Variants in ECM2 observed in about 807,000 individuals in gnomAD.
The protein encoded by ECM2 is extracellular matrix protein 2.
A neutral mutation model predicts 67.5 loss-of-function variants in ECM2; 57 were observed. The ratio of observed to expected loss-of-function variants is 0.84; its 90% confidence interval spans 0.68 to 1.05. The LOEUF is 1.05. ECM2 is among the 50% of genes least tolerant of loss of function. The pLI, the probability that ECM2 is intolerant of heterozygous loss-of-function variation, is 0.00. For missense variants in ECM2, 741 were observed against 822.8 expected (o/e 0.90, Z 1.22); for synonymous variants, 258 against 294.5 (o/e 0.88, Z 1.27).
chr9:92,502,791 A>ATT (rs1290005357), intron 7 of ECM2, 139 bp from the exon 8 acceptor site: 10 of 584,302 alleles, frequency 1.7e-5, no homozygotes, highest in Non-Finnish European at 2.3e-5. Context: ...GTAAGCTCAT[A>ATT]TTTTTAAGTT....
chr9:92,538,716 C>T (rs1302217799), upstream of ECM2, among the ~76,000 whole-genome samples: 1 of 152,064 alleles, frequency 6.6e-6, no homozygotes, highest in Non-Finnish European at 1.5e-5. Context: ...TTTCTCCTAC[C>T]CCCTTTATTA....
At chr9:92,511,955 A>G (rs1370805496) in intron 5 of ECM2, 56 bp downstream of exon 5, 7 of 1,352,938 alleles carry the variant, frequency 5.2e-6, no homozygotes, top group East Asian at 2.4e-5. Context: ...TCTCCAACCA[A>G]TGCAAGTCAT....
chr9:92,558,283 A>G, the ECM2 span, among the ~76,000 whole-genome samples: 1 of 152,166 alleles, frequency 6.6e-6, no homozygotes, highest in Non-Finnish European at 1.5e-5. Flanking sequence ...ATCAGAGGGA[A>G]GGTCTAGGGC....
chr9:92,519,430 T>C (rs961943216), intron 2 of ECM2, among the ~76,000 whole-genome samples: 2 of 152,208 alleles, frequency 1.3e-5, no homozygotes, highest in South Asian at 2.1e-4. Flanking sequence ...TATAAAGATA[T>C]GATAATCAGC....
chr9:92,493,872 G>A (rs1483291215), downstream of ECM2: 1 of 349,554 alleles, frequency 2.9e-6, no homozygotes, highest in East Asian at 4.3e-5. Context: ...TGCAGCCAGA[G>A]CAGAGTTGAG....
chr9:92,502,804 CTTTTTTTTTTTT>C, intron 7 of ECM2, 152 bp from the exon 8 acceptor site: 5 of 294,722 alleles, frequency 1.7e-5, no homozygotes, highest in South Asian at 1.5e-4. Context: ...TTTAAGTTGT[CTTTTTTTTTTTT>C]TTTTTTTTTG....
Position 92,522,768 on chromosome 9 carries a change from G to A in ECM2, c.99C>T (p.Ile33=). 2 of 1,613,986 alleles carry A rather than the reference G, an allele frequency of 1.2e-6. No homozygotes were observed. The highest frequency in any genetic ancestry group is 1.7e-6 in the Non-Finnish European group (2 of 1,179,984). ...EEIPRKQRRK[I]YHRRLRKSST... Reference sequence around the variant, plus strand: ...AACTTTTCCTCAACCTTCTGTGGTAGATCTTCCTCCTTTGCTTCCTAGGAA... The same window carrying A: ...AACTTTTCCTCAACCTTCTGTGGTAAATCTTCCTCCTTTGCTTCCTAGGAA... The change falls in exon 2 of 10, where the codon ATC becomes ATT. Residue 33 remains isoleucine (I), a synonymous_variant. Transcript: ENST00000344604.
Position 92,525,904 on chromosome 9 carries a change from A to G in ECM2, c.-27-3011T>C, listed in dbSNP as rs547125589. ...AGAGACTCTATCTCCAAAAAAAAAA[A>G]AAAAAAAAAAAGCACATACAATTAT... On this transcript the variant is annotated intron_variant, in intron 1 of 9. Transcript: ENST00000344604. Among the ~76,000 whole-genome samples, 11 of 151,650 alleles carry G rather than the reference A, an allele frequency of 7.3e-5. No homozygotes were observed. In the East Asian group the frequency reaches 2.1e-3, roughly 29 times the overall value.
In ECM2 at chr9:92,500,856, A is replaced by G. The variant is rs1588187845; in HGVS notation, c.1802T>C (p.Val601Ala). Residue 601 changes from valine (V) to alanine (A), a missense_variant, in exon 9 of 10, where the codon GTC becomes GCC. Physicochemically the swap from Val to Ala is moderately conservative, Grantham distance 64 (BLOSUM62 0). Coordinates refer to ENST00000344604, the MANE Select transcript of ECM2 (RefSeq NM_001393.4). ...NKLADDGMDRVSFYGAYHSLR... is the reference protein window; with the variant it reads ...NKLADDGMDRASFYGAYHSLR... ...AGAATGATATGCCCCATAGAAGGAGACACGGTCCATGCCATCATCAGCAAG... is the reference window on the plus strand; with the variant it reads ...AGAATGATATGCCCCATAGAAGGAGGCACGGTCCATGCCATCATCAGCAAG... 6.2e-7 allele frequency: 1 copy of G among 1,614,196 alleles called. No homozygotes were observed. The highest frequency in any genetic ancestry group is 8.5e-7 in the Non-Finnish European group (1 of 1,180,032).
chr9:92,553,403 A>C, the ECM2 span, among the ~76,000 whole-genome samples: 65,216 of 151,920 alleles, frequency 0.43, 16,595 homozygotes, highest in African/African-American at 0.71. Context: ...TTTTTTGGTT[A>C]CATATGAATT....
At chr9:92,512,176 G>T in intron 4 of ECM2, 50 bp from the exon 5 acceptor site, 1 of 1,255,758 alleles carries the variant, frequency 8.0e-7, no homozygotes. Context: ...ATACATACAT[G>T]TACACACATG....
intron 2 of ECM2, among the ~76,000 whole-genome samples, chr9:92,520,393 G>GAAATGCAAATCAAAAGC (rs770335792): frequency 2.0e-4 from 31 of 152,238 alleles, no homozygotes; most frequent in Non-Finnish European, 4.3e-4. Context: ...AGTTGTTAGG[G>GAAATGCAAATCAAAAGC]AAATGCAAAT....
chr9:92,557,643 CTTTG>C, the ECM2 span, among the ~76,000 whole-genome samples: 90 of 152,066 alleles, frequency 5.9e-4, no homozygotes, highest in East Asian at 7.2e-3. Flanking sequence ...TTTCGCATTT[CTTTG>C]TTTGTTTGTG....
chr9:92,503,154 AT>A (rs754447344), intron 7 of ECM2, among the ~76,000 whole-genome samples: 7 of 152,190 alleles, frequency 4.6e-5, no homozygotes, highest in Non-Finnish European at 8.8e-5. Flanking sequence ...AATCAAATGA[AT>A]TTTATTTAAA....
At position 92,504,007 on chromosome 9, in the gene ECM2, A is replaced by G. The variant is rs573787425; in HGVS notation, c.1465-1355T>C. On this transcript the variant is annotated intron_variant, in intron 7 of 9. Transcript: ENST00000344604. ...TATGCCCAGTGCTTTCCAGACTGGT[A>G]GGAGTGGATCCCTCTGGAGAGAGAG... Among the ~76,000 whole-genome samples, 12 of 152,362 alleles carry G rather than the reference A, an allele frequency of 7.9e-5. No individual in the cohort carries two copies. In the South Asian group the frequency reaches 1.2e-3, roughly 16 times the overall value.
Position 92,522,944 on chromosome 9 carries a change from G to A in ECM2, c.-27-51C>T. 4 of 1,472,302 alleles carry A rather than the reference G, an allele frequency of 2.7e-6. No homozygotes were observed. The South Asian group carries it at 5.7e-5, about 21-fold the overall frequency. The allele number at this position is 1,472,302 out of a possible 1,614,324, so 91.2% of individuals were successfully genotyped here. A position where few individuals can be genotyped will look rare whatever the true frequency, so the allele number is the denominator to read the frequency against. ...TAGTGGTGACTAAATTTTTACTTCTGAAAATTGGCTTATATATTTGCTTGT... is the reference window on the plus strand; with the variant it reads ...TAGTGGTGACTAAATTTTTACTTCTAAAAATTGGCTTATATATTTGCTTGT... On this transcript the variant is annotated intron_variant, in intron 1 of 9. Transcript: ENST00000344604.
intron 2 of ECM2, among the ~76,000 whole-genome samples, chr9:92,521,436 C>A (rs1420949857): frequency 6.6e-6 from 1 of 151,986 alleles, no homozygotes; most frequent in Non-Finnish European, 1.5e-5. Flanking sequence ...GTAAGTGTGG[C>A]CTAAATTGCC....
chr9:92,532,015 G>GTTTTTTTTGTTT (rs1563990161), intron 1 of ECM2, among the ~76,000 whole-genome samples: 3 of 95,736 alleles, frequency 3.1e-5, no homozygotes, highest in Non-Finnish European at 5.8e-5. Flanking sequence ...TTTATTTAAT[G>GTTTTTTTTGTTT]TTTTTTTTTT....
At chr9:92,493,970 G>T, downstream of ECM2, 1 of 954,260 alleles carries the variant, frequency 1.0e-6, no homozygotes, top group Non-Finnish European at 1.6e-6. Context: ...GAGGGTGGCC[G>T]TAGTCTCCTG....
Sources: allele counts gnomAD v4.1 joint callset (sites outside exome capture counted in the v4.1 genomes callset), GRCh38; gene constraint gnomAD v4.1.1; transcripts MANE v1.5; gene names NCBI Gene and HGNC (gene_info 2026-07-23, HGNC 2026-07-21).